The following SLCO6A1 variants were observed in gnomAD, a reference collection of about 807,000 sequenced individuals.
SLCO6A1 encodes the protein cancer/testis antigen 48.
SLCO6A1 carries 65 observed loss-of-function variants against 72.7 expected under a neutral mutation model. That is an observed-to-expected ratio of 0.89 (90% CI 0.73 to 1.10). The LOEUF (loss-of-function observed/expected upper bound fraction) is 1.10, where lower values mean the gene tolerates loss of function less well. Among genes scored for constraint, SLCO6A1 ranks in the 50% least tolerant of loss-of-function variants. The pLI is 0.00. For missense variants in SLCO6A1, 874 were observed against 872.6 expected, an observed-to-expected ratio of 1.00 and a Z score of -0.02; for synonymous variants, 314 against 298.2, an observed-to-expected ratio of 1.05 and a Z score of -0.55.
At chr5:102,421,130 G>A (rs1274679841) in intron 7 of SLCO6A1, among the ~76,000 whole-genome samples, 1 of 152,168 alleles carries the variant, frequency 6.6e-6, no homozygotes, top group Non-Finnish European at 1.5e-5. Context: ...CCACAGATAA[G>A]GAGATTCCCT....
chr5:102,449,392 A>ATTTT (rs60760058), intron 6 of SLCO6A1, among the ~76,000 whole-genome samples: 4 of 148,066 alleles, frequency 2.7e-5, no homozygotes, highest in African/African-American at 9.9e-5. Flanking sequence ...GAATTTCCTG[A>ATTTT]TTTTTTTTTT....
intron 9 of SLCO6A1, among the ~76,000 whole-genome samples, chr5:102,405,409 G>A (rs1028171783): frequency 4.2e-5 from 6 of 143,814 alleles, no homozygotes; most frequent in African/African-American, 1.7e-4. Context: ...AAAAAAAAAA[G>A]AAATACTGAA....
intron 4 of SLCO6A1, among the ~76,000 whole-genome samples, chr5:102,469,336 G>C (rs527796898): frequency 6.6e-6 from 1 of 151,818 alleles, no homozygotes; most frequent in South Asian, 2.1e-4. Context: ...TTTTTATTTC[G>C]TTGAGCAGTG....
chr5:102,467,650 C>G (rs1396187655), intron 4 of SLCO6A1, among the ~76,000 whole-genome samples: 1 of 151,988 alleles, frequency 6.6e-6, no homozygotes, highest in South Asian at 2.1e-4. Flanking sequence ...ATTGAATGTT[C>G]TTTTGCATTT....
chr5:102,419,766 G>T, intron 8 of SLCO6A1, 60 bp downstream of exon 8: 2 of 1,288,292 alleles, frequency 1.6e-6, no homozygotes, highest in Non-Finnish European at 2.1e-6. Context: ...ATTATTAATT[G>T]CCTGAGGAAT....
Position 102,444,587 on chromosome 5 carries a change from C to T in SLCO6A1, c.1132-5826G>A, listed in dbSNP as rs551578007. ...AATAAAATATCTCCTCTAGAAAATG[C>T]TGCTAATTGCAAATTTAAATTTTTT... On this transcript the variant is annotated intron_variant, in intron 6 of 13. Transcript: ENST00000506729. 9.9e-5 allele frequency among the ~76,000 whole-genome samples: 15 copies of T among 152,252 alleles called. No homozygotes were observed. The East Asian group carries it at 1.2e-3, about 12-fold the overall frequency.
chr5:102,372,144 G>C (rs1278309240), intron 13 of SLCO6A1, 21 bp from the exon 14 acceptor site: 2 of 152,054 alleles, frequency 1.3e-5, no homozygotes, highest in African/African-American at 2.4e-5. Context: ...AAACAGAGAA[G>C]AGTCAAGCAA....
chr5:102,380,022 T>G (rs1746023085), intron 12 of SLCO6A1, among the ~76,000 whole-genome samples: 1 of 152,006 alleles, frequency 6.6e-6, no homozygotes, highest in Non-Finnish European at 1.5e-5. Context: ...TTTGGTTGCA[T>G]CTGGTATTTG....
rs376665202 is a variant in SLCO6A1, at chr5:102,383,728, G to A, written c.2017+4960C>T. ...GGTCTCATAAAATGAGTTTAGAAAT[G>A]TTCCTTTCTCTTCAATTTTTTAAAA... On this transcript the variant is annotated intron_variant, in intron 12 of 13. Transcript: ENST00000506729. Among the ~76,000 whole-genome samples, 28 of 151,842 alleles carry A rather than the reference G, an allele frequency of 1.8e-4. No homozygotes were observed. In the East Asian group the frequency reaches 3.3e-3, roughly 18 times the overall value.
At chr5:102,463,443 T>C (rs1048015258) in intron 4 of SLCO6A1, among the ~76,000 whole-genome samples, 64 of 152,264 alleles carry the variant, frequency 4.2e-4, no homozygotes, top group African/African-American at 1.5e-3. Context: ...ACAAAATACG[T>C]CATATGAAAA....
intron 10 of SLCO6A1, 149 bp downstream of exon 10, chr5:102,399,406 A>C (rs1255477251): frequency 2.2e-6 from 1 of 445,190 alleles, no homozygotes; most frequent in East Asian, 3.6e-5. Context: ...ATAATTATAC[A>C]CATGAATTGT....
Position 102,388,957 on chromosome 5 carries a change from T to A in SLCO6A1, c.1880-132A>T, listed in dbSNP as rs551551976. On this transcript the variant is annotated intron_variant, in intron 11 of 13. Transcript: ENST00000506729. ...ATATCACTTAAAATTAGCTAATAAT[T>A]TATTTATAAATAGGATTGTTAATCA... The A allele has an allele frequency of 1.9e-5, 15 of 779,334 alleles. No individual in the cohort carries two copies. The African/African-American group carries it at 2.7e-4, about 14-fold the overall frequency. 48.3% of individuals were successfully genotyped at this position (779,334 alleles called of 1,614,324 possible). A position where few individuals can be genotyped will look rare whatever the true frequency, so the allele number is the denominator to read the frequency against.
intron 4 of SLCO6A1, among the ~76,000 whole-genome samples, chr5:102,466,790 A>G (rs1751336272): frequency 6.6e-6 from 1 of 152,140 alleles, no homozygotes; most frequent in Non-Finnish European, 1.5e-5. Context: ...GACTTTTTTC[A>G]TATGATTGTG....
chr5:102,442,201 A>G (rs1749871420), intron 6 of SLCO6A1, among the ~76,000 whole-genome samples: 1 of 152,162 alleles, frequency 6.6e-6, no homozygotes, highest in South Asian at 2.1e-4. Context: ...TCTCGTTTTT[A>G]GGAAGTATTA....
At chr5:102,459,877 G>GCC in intron 4 of SLCO6A1, 100 bp from the exon 5 acceptor site, 3 of 1,006,410 alleles carry the variant, frequency 3.0e-6, no homozygotes, top group Non-Finnish European at 4.2e-6. Context: ...GAGAGAGGGA[G>GCC]GGTTGGAGAG....
intron 1 of SLCO6A1, among the ~76,000 whole-genome samples, chr5:102,491,754 G>A (rs558011818): frequency 3.0e-3 from 458 of 152,366 alleles, no homozygotes; most frequent in Middle Eastern, 6.8e-3. Flanking sequence ...CAAGCTGAGG[G>A]AGCCGGCTCC....
chr5:102,456,025 T>A (rs554158454), intron 6 of SLCO6A1, among the ~76,000 whole-genome samples: 4 of 152,314 alleles, frequency 2.6e-5, no homozygotes, highest in South Asian at 4.1e-4. Context: ...TCTCAATATA[T>A]GCAGAAAAGG....
intron 6 of SLCO6A1, 135 bp downstream of exon 6, chr5:102,458,247 A>G (rs928993050): frequency 4.9e-6 from 3 of 606,880 alleles, no homozygotes; most frequent in Non-Finnish European, 8.5e-6. Context: ...AACTTAAAGT[A>G]TAATAATAAA....
rs374857492 is a variant in SLCO6A1 at position 102,375,671 on chromosome 5, C to T, written c.2018-2177G>A. 1.3e-4 allele frequency among the ~76,000 whole-genome samples: 19 copies of T among 151,846 alleles called. No homozygotes were observed. In the East Asian group the frequency reaches 1.7e-3, roughly 14 times the overall value. On this transcript the variant is annotated intron_variant, in intron 12 of 13. Transcript: ENST00000506729. ...TGTTTATTTATCTACCAGAAAAGGC[C>T]GACAGGGTGCATGAAGAAATGAGAA...
Sources: gnomAD v4.1 joint callset for allele counts (sites outside exome capture counted in the v4.1 genomes callset) on GRCh38, gnomAD v4.1.1 for gene constraint, MANE v1.5 for transcripts, NCBI Gene and HGNC (gene_info 2026-07-23, HGNC 2026-07-21) for gene names.